Variants in MON2 observed in about 807,000 individuals in gnomAD.
MON2 encodes protein MON2 homolog.
MON2 carries 84 observed loss-of-function variants against 208.6 expected under a neutral mutation model. The observed-to-expected ratio is 0.40, with a 90% CI of 0.34 to 0.48. The LOEUF (loss-of-function observed/expected upper bound fraction) is 0.48. Ranked by LOEUF, MON2 falls within the 20% of genes least tolerant of loss-of-function variation. The pLI, the probability that MON2 is intolerant of heterozygous loss-of-function variation, is 0.59. For synonymous variants in MON2, 660 were observed against 694.0 expected, an observed-to-expected ratio of 0.95 and a Z score of 0.77; for missense variants, 1,611 against 2,015.4, an observed-to-expected ratio of 0.80 and a Z score of 3.84.
chr12:62,578,942 A>C (rs1248192839), intron 31 of MON2, among the ~76,000 whole-genome samples: 1 of 152,144 alleles, frequency 6.6e-6, no homozygotes, highest in Non-Finnish European at 1.5e-5. Context: ...TTTTTTAAAG[A>C]ATATATTTTG....
intron 29 of MON2, among the ~76,000 whole-genome samples, chr12:62,569,775 G>A (rs545562372): frequency 6.6e-6 from 1 of 152,240 alleles, no homozygotes; most frequent in South Asian, 2.1e-4. Flanking sequence ...AAAGCACATG[G>A]ATTATATGGA....
At chr12:62,564,476 G>A (rs1317947370) in intron 26 of MON2, among the ~76,000 whole-genome samples, 3 of 151,066 alleles carry the variant, frequency 2.0e-5, no homozygotes, top group South Asian at 2.1e-4. Context: ...AAGAAAATAC[G>A]AAAAGAAAAA....
At chr12:62,571,660 A>G in intron 30 of MON2, 78 bp downstream of exon 30, 1 of 1,175,244 alleles carries the variant, frequency 8.5e-7, no homozygotes, top group South Asian at 1.6e-5. Flanking sequence ...AGTTGTCTTT[A>G]TTCATTAACA....
At chr12:62,534,820 A>C in intron 12 of MON2, 25 bp from the exon 13 acceptor site, 1 of 1,540,744 alleles carries the variant, frequency 6.5e-7, no homozygotes, top group Non-Finnish European at 9.0e-7. Flanking sequence ...TTAAAATTAA[A>C]TATTGTATGT....
chr12:62,595,137 A>T lies in MON2; in HGVS notation c.*2388A>T, dbSNP rs907094911. 1 of 151,108 alleles carries T rather than the reference A, an allele frequency of 6.6e-6. No homozygotes were observed. Among genetic ancestry groups the T allele is most frequent in the Non-Finnish European group, 1.5e-5 (1 of 67,806 alleles). The allele number at this position is 151,108 out of a possible 1,614,324, so 9.4% of individuals were successfully genotyped here. A position where few individuals can be genotyped will look rare whatever the true frequency, so the allele number is the denominator to read the frequency against. On this transcript the variant is annotated 3_prime_UTR_variant, in exon 35 of 35. Transcript: ENST00000393630. ...CTTTGTCATACTTACTAGAAATACTATGAGTTTTTTTTTTTTTTTTCATTT... is the reference window on the plus strand; with the variant it reads ...CTTTGTCATACTTACTAGAAATACTTTGAGTTTTTTTTTTTTTTTTCATTT...
chr12:62,571,257 C>A (rs1006289716), intron 29 of MON2, 135 bp from the exon 30 acceptor site: 12 of 670,122 alleles, frequency 1.8e-5, no homozygotes, highest in East Asian at 5.9e-5. Context: ...GAAATAACAT[C>A]CTTTTTAAAT....
At chr12:62,484,031 G>C (rs1245484296) in intron 1 of MON2, 139 bp from the exon 2 acceptor site, 1 of 640,276 alleles carries the variant, frequency 1.6e-6, no homozygotes, top group Non-Finnish European at 2.8e-6. Context: ...CTTAGTATCT[G>C]ATGGTTTGAA....
At position 62,560,411 on chromosome 12, in the gene MON2, A is replaced by G. The variant is rs775396992; in HGVS notation, c.3410-80A>G. 20 of 1,382,550 alleles carry G rather than the reference A, an allele frequency of 1.4e-5. No individual in the cohort carries two copies. In the Admixed American group the frequency reaches 2.8e-4, roughly 19 times the overall value. 85.6% of individuals were successfully genotyped at this position (1,382,550 alleles called of 1,614,324 possible). A position where few individuals can be genotyped will look rare whatever the true frequency, so the allele number is the denominator to read the frequency against. ...GATTTTAAGCAGAAAAATTAAGCAAATATGCTTTCAAGTGTCTAATATGAA... is the reference window on the plus strand; with the variant it reads ...GATTTTAAGCAGAAAAATTAAGCAAGTATGCTTTCAAGTGTCTAATATGAA... On this transcript the variant is annotated intron_variant, in intron 25 of 34. Coordinates refer to ENST00000393630, the MANE Select transcript of MON2 (RefSeq NM_015026.3).
chr12:62,560,737 T>C lies in MON2; in HGVS notation c.3656T>C (p.Leu1219Pro), dbSNP rs2074168575. 2 of 1,613,976 alleles carry C rather than the reference T, an allele frequency of 1.2e-6. No homozygotes were observed. Among genetic ancestry groups the C allele is most frequent in the East Asian group, 2.2e-5 (1 of 44,884 alleles). Residue 1219 changes from leucine (L) to proline (P), a missense_variant, in exon 26 of 35, where the codon CTA becomes CCA. Leu to Pro is a moderately conservative substitution (Grantham distance 98, BLOSUM62 -3). Transcript: ENST00000393630. ...FVRTDSIGEK[L>P]GRYSSSEPPI... ...AGAACAGATTCCATTGGAGAAAAAC[T>C]AGGAAGATATAGTAGCTCTGAGCCA...
At chr12:62,487,977 A>G (rs910110223) in intron 2 of MON2, among the ~76,000 whole-genome samples, 6 of 152,200 alleles carry the variant, frequency 3.9e-5, no homozygotes, top group Non-Finnish European at 8.8e-5. Flanking sequence ...GTCAGAGTCA[A>G]CATCTTATTG....
intron 6 of MON2, 137 bp downstream of exon 6, chr12:62,501,017 A>G: frequency 2.1e-6 from 1 of 482,944 alleles, no homozygotes. Flanking sequence ...GATAGTTCTA[A>G]AGAACAACTT....
rs1486184193 is a variant in MON2 at position 62,598,022 on chromosome 12, G to A, written c.*5273G>A. On this transcript the variant is annotated 3_prime_UTR_variant, in exon 35 of 35. Coordinates refer to ENST00000393630, the MANE Select transcript of MON2 (RefSeq NM_015026.3). ...CTTAATATTGATTTATATTGACACT[G>A]CCTACTTACAAGAATAATTTGAGGC... 1 of 152,128 alleles carries A rather than the reference G, an allele frequency of 6.6e-6. No homozygotes were observed. The highest frequency in any genetic ancestry group is 1.5e-5 in the Non-Finnish European group (1 of 68,018). The allele number at this position is 152,128 out of a possible 1,614,324, so 9.4% of individuals were successfully genotyped here.
At chr12:62,493,829 G>A (rs960496447) in intron 2 of MON2, 86 bp from the exon 3 acceptor site, 12 of 980,258 alleles carry the variant, frequency 1.2e-5, no homozygotes, top group Middle Eastern at 3.3e-4. Context: ...TTTTGAGATC[G>A]CTATTACTGG....
At chr12:62,481,767 T>C (rs1016637691) in intron 1 of MON2, among the ~76,000 whole-genome samples, 3 of 152,208 alleles carry the variant, frequency 2.0e-5, no homozygotes, top group African/African-American at 7.2e-5. Flanking sequence ...TAAGTCCTGG[T>C]GTATCCATTA....
chr12:62,472,091 T>A (rs574473385), intron 1 of MON2, among the ~76,000 whole-genome samples: 1 of 152,074 alleles, frequency 6.6e-6, no homozygotes, highest in Non-Finnish European at 1.5e-5. Flanking sequence ...CACTTAAGAG[T>A]CTTAGCAGGA....
At chr12:62,544,056 T>G (rs1292141742) in intron 20 of MON2, among the ~76,000 whole-genome samples, 1 of 152,222 alleles carries the variant, frequency 6.6e-6, no homozygotes, top group African/African-American at 2.4e-5. Context: ...AAAAACAAGC[T>G]GCTTCTGCCA....
At chr12:62,530,806 G>C (rs1402271225) in intron 11 of MON2, among the ~76,000 whole-genome samples, 1 of 152,148 alleles carries the variant, frequency 6.6e-6, no homozygotes, top group East Asian at 1.9e-4. Flanking sequence ...TTTTGAGGAA[G>C]TGCCAAACTC....
chr12:62,540,219 A>G (rs2073173631), intron 19 of MON2, among the ~76,000 whole-genome samples: 1 of 152,142 alleles, frequency 6.6e-6, no homozygotes, highest in African/African-American at 2.4e-5. Flanking sequence ...GCTCAGAGAC[A>G]TTAAGAAATA....
At position 62,599,230 on chromosome 12, in the gene MON2, A is replaced by G. The variant is rs1381764671; in HGVS notation, c.*6481A>G. On this transcript the variant is annotated 3_prime_UTR_variant, in exon 35 of 35. Coordinates refer to ENST00000393630, the MANE Select transcript of MON2 (RefSeq NM_015026.3). ...GACACGAAGTGTCTCTCAATAGTTT[A>G]GAAAGAAAGATTTGGAACTTTAAGT... 6.6e-6 allele frequency: 1 copy of G among 152,244 alleles called. No individual in the cohort carries two copies. The highest frequency in any genetic ancestry group is 1.5e-5 in the Non-Finnish European group (1 of 68,034). 9.4% of individuals were successfully genotyped at this position (152,244 alleles called of 1,614,324 possible). A position where few individuals can be genotyped will look rare whatever the true frequency, so the allele number is the denominator to read the frequency against.
Sources: gnomAD v4.1 joint callset for allele counts (sites outside exome capture counted in the v4.1 genomes callset) on GRCh38, gnomAD v4.1.1 for gene constraint, MANE v1.5 for transcripts, NCBI Gene and HGNC (gene_info 2026-07-23, HGNC 2026-07-21) for gene names.